Variants in TENM3 observed in about 807,000 individuals in gnomAD.
The protein encoded by TENM3 is teneurin-3.
TENM3 carries 63 observed loss-of-function variants against 255.1 expected under a neutral mutation model. The observed-to-expected ratio is 0.25, with a 90% CI of 0.20 to 0.30. The LOEUF (loss-of-function observed/expected upper bound fraction) is 0.30, where lower values mean the gene tolerates loss of function less well. TENM3 is among the 10% of genes least tolerant of loss of function. The probability of loss-of-function intolerance (pLI) is 1.00; values close to 1 mark genes in which losing one functional copy is unlikely to be tolerated. For synonymous variants in TENM3, 1,306 were observed against 1,322.3 expected, an observed-to-expected ratio of 0.99 and a Z score of 0.27; for missense variants, 2,929 against 3,461.1, an observed-to-expected ratio of 0.85 and a Z score of 3.86.
chr4:182,674,459 A>G (rs1286643331), intron 7 of TENM3, among the ~76,000 whole-genome samples: 1 of 152,048 alleles, frequency 6.6e-6, no homozygotes. Context: ...TAATATTTTT[A>G]ATATCTATAT....
the TENM3 span, among the ~76,000 whole-genome samples, chr4:181,594,141 CAT>C: frequency 6.6e-6 from 1 of 151,936 alleles, no homozygotes; most frequent in African/African-American, 2.4e-5. Context: ...ACTGAGAAAA[CAT>C]GTAACGATTT....
chr4:182,065,964 G>A, the TENM3 span, among the ~76,000 whole-genome samples: 6 of 152,196 alleles, frequency 3.9e-5, no homozygotes, highest in Admixed American at 6.5e-5. Flanking sequence ...GCAAACACTG[G>A]TGTGCAAGTA....
At chr4:182,281,536 T>C (rs1760384209) in intron 1 of TENM3, among the ~76,000 whole-genome samples, 2 of 152,038 alleles carry the variant, frequency 1.3e-5, no homozygotes, top group African/African-American at 4.8e-5. Context: ...GTGGTTTTTT[T>C]TGAGACAAAG....
the TENM3 span, among the ~76,000 whole-genome samples, chr4:181,797,275 C>T: frequency 2.6e-5 from 4 of 151,736 alleles, no homozygotes; most frequent in East Asian, 1.9e-4. Context: ...ACATGGCTTT[C>T]GGTATTGAAC....
intron 3 of TENM3, among the ~76,000 whole-genome samples, chr4:182,438,910 A>G (rs537145624): frequency 1.3e-5 from 2 of 152,316 alleles, no homozygotes; most frequent in South Asian, 4.1e-4. Flanking sequence ...ACATAGTTCT[A>G]CATATTTTTA....
the TENM3 span, among the ~76,000 whole-genome samples, chr4:182,079,382 G>A: frequency 6.6e-6 from 1 of 152,088 alleles, no homozygotes; most frequent in Non-Finnish European, 1.5e-5. Flanking sequence ...CGGGCGCAGT[G>A]GCGGGTGCCT....
intron 1 of TENM3, among the ~76,000 whole-genome samples, chr4:182,234,150 C>T (rs1052548925): frequency 6.6e-6 from 1 of 152,176 alleles, no homozygotes; most frequent in African/African-American, 2.4e-5. Flanking sequence ...GTTCTTTCCA[C>T]GTTAACAACC....
At chr4:181,646,535 A>G in the TENM3 span, among the ~76,000 whole-genome samples, 1 of 152,150 alleles carries the variant, frequency 6.6e-6, no homozygotes, top group African/African-American at 2.4e-5. Flanking sequence ...ACTCAGCCCA[A>G]ACCTAACAAG....
chr4:182,673,391 G>A (rs745832255), intron 7 of TENM3, among the ~76,000 whole-genome samples, 172 bp downstream of exon 7: 5 of 152,152 alleles, frequency 3.3e-5, no homozygotes, highest in Non-Finnish European at 7.3e-5. Context: ...TTTTGAATCA[G>A]TAGTGGGAAG....
At chr4:181,943,718 C>T in the TENM3 span, among the ~76,000 whole-genome samples, 2 of 152,140 alleles carry the variant, frequency 1.3e-5, no homozygotes, top group African/African-American at 4.8e-5. Flanking sequence ...CAATTGAACA[C>T]ATATGCAATT....
At chr4:181,797,815 C>T in the TENM3 span, among the ~76,000 whole-genome samples, 11 of 152,290 alleles carry the variant, frequency 7.2e-5, no homozygotes, top group East Asian at 7.7e-4. Context: ...ACAACCTTAA[C>T]GTCGCCTTGA....
At chr4:182,525,515 C>T (rs1160557899) in intron 3 of TENM3, among the ~76,000 whole-genome samples, 1 of 152,214 alleles carries the variant, frequency 6.6e-6, no homozygotes, top group Non-Finnish European at 1.5e-5. Flanking sequence ...TGCTTTCTCT[C>T]CTTTATACTT....
At chr4:182,506,704 T>A (rs943130643) in intron 3 of TENM3, among the ~76,000 whole-genome samples, 1 of 152,216 alleles carries the variant, frequency 6.6e-6, no homozygotes, top group Non-Finnish European at 1.5e-5. Flanking sequence ...AACTAATAGA[T>A]ATTGTACATA....
intron 4 of TENM3, among the ~76,000 whole-genome samples, chr4:182,602,478 A>C (rs1747988513): frequency 6.6e-6 from 1 of 152,230 alleles, no homozygotes; most frequent in Non-Finnish European, 1.5e-5. Flanking sequence ...ATGAGCTAGC[A>C]GGAGGTCCCC....
chr4:181,865,035 C>A, the TENM3 span, among the ~76,000 whole-genome samples: 1 of 152,180 alleles, frequency 6.6e-6, no homozygotes, highest in Admixed American at 6.5e-5. Flanking sequence ...ATAACTATTG[C>A]TTATCCTGTT....
chr4:182,161,232 C>T (rs113376230), intron 1 of TENM3, among the ~76,000 whole-genome samples: 2 of 138,842 alleles, frequency 1.4e-5, no homozygotes, highest in African/African-American at 2.7e-5. Flanking sequence ...CTGGCTAACA[C>T]GGTGAAACCC....
chr4:181,775,924 G>A, the TENM3 span, among the ~76,000 whole-genome samples: 1 of 152,226 alleles, frequency 6.6e-6, no homozygotes, highest in Middle Eastern at 3.4e-3. Flanking sequence ...CGTGTTGGGA[G>A]TATTTTAAGT....
chr4:182,259,994 C>A (rs1758677398), intron 1 of TENM3, among the ~76,000 whole-genome samples: 1 of 152,146 alleles, frequency 6.6e-6, no homozygotes, highest in African/African-American at 2.4e-5. Context: ...GGAGCATCGT[C>A]TGTCTGTGCC....
At chr4:181,691,756 C>G in the TENM3 span, among the ~76,000 whole-genome samples, 1 of 152,090 alleles carries the variant, frequency 6.6e-6, no homozygotes, top group Non-Finnish European at 1.5e-5. Context: ...TAAGAGTTAA[C>G]ACTACAAATC....
Sources: allele counts gnomAD v4.1 joint callset (sites outside exome capture counted in the v4.1 genomes callset), GRCh38; gene constraint gnomAD v4.1.1; transcripts MANE v1.5; gene names NCBI Gene and HGNC (gene_info 2026-07-23, HGNC 2026-07-21).